The following ITGA8 variants were observed in gnomAD, a reference collection of about 807,000 sequenced individuals.
The protein encoded by ITGA8 is integrin alpha-8.
In ITGA8, 91 loss-of-function variants were observed where a neutral mutation model predicts 142.3. That is an observed-to-expected ratio of 0.64 (90% CI 0.54 to 0.76). The LOEUF (loss-of-function observed/expected upper bound fraction) is 0.76, where lower values mean the gene tolerates loss of function less well. Ranked by LOEUF, ITGA8 falls within the 30% of genes least tolerant of loss-of-function variation. The probability of loss-of-function intolerance (pLI) is 0.00; values close to 1 mark genes in which losing one functional copy is unlikely to be tolerated. For synonymous variants in ITGA8, 505 were observed against 485.2 expected (o/e 1.04, Z -0.54); for missense variants, 1,406 against 1,327.7 (o/e 1.06, Z -0.92).
intron 11 of ITGA8, among the ~76,000 whole-genome samples, chr10:15,648,301 T>C: frequency 6.6e-6 from 1 of 152,216 alleles, no homozygotes; most frequent in East Asian, 1.9e-4. Flanking sequence ...GAACATATAT[T>C]TGCATTTGAC....
At chr10:15,542,723 G>A (rs530198627) in intron 27 of ITGA8, among the ~76,000 whole-genome samples, 1 of 152,272 alleles carries the variant, frequency 6.6e-6, no homozygotes, top group East Asian at 1.9e-4. Context: ...TACTATCTAT[G>A]TGACTCGGGA....
intron 25 of ITGA8, among the ~76,000 whole-genome samples, chr10:15,566,545 T>C (rs1834084410): frequency 6.6e-6 from 1 of 152,116 alleles, no homozygotes; most frequent in Admixed American, 6.5e-5. Flanking sequence ...GCATGGTGGC[T>C]CATGCCTGTA....
Position 15,646,917 on chromosome 10 carries a change from C to A in ITGA8, c.1136G>T (p.Gly379Val). ...LLFRDPQILT[G>V]TETFGRFGSA... ...ACCGAATCTCCCAAACGTCTCGGTGCCAGTGAGGATCTGGGGGTCTCTGAA... is the reference window on the plus strand; with the variant it reads ...ACCGAATCTCCCAAACGTCTCGGTGACAGTGAGGATCTGGGGGTCTCTGAA... The change falls in exon 12 of 30, where the codon GGC becomes GTC. Residue 379 changes from glycine (G) to valine (V), a missense_variant. Coordinates refer to ENST00000378076, the MANE Select transcript of ITGA8 (RefSeq NM_003638.3). 1 of 1,613,996 alleles carries A rather than the reference C, an allele frequency of 6.2e-7. No individual in the cohort carries two copies. Among genetic ancestry groups the A allele is most frequent in the Non-Finnish European group, 8.5e-7 (1 of 1,179,992 alleles).
chr10:15,605,626 G>T, intron 19 of ITGA8, 98 bp downstream of exon 19: 3 of 956,618 alleles, frequency 3.1e-6, no homozygotes, highest in Non-Finnish European at 5.0e-6. Flanking sequence ...CATAGTTTTT[G>T]GTAGTTATTG....
At chr10:15,541,822 A>G (rs1177032860) in intron 27 of ITGA8, among the ~76,000 whole-genome samples, 1 of 151,754 alleles carries the variant, frequency 6.6e-6, no homozygotes, top group Non-Finnish European at 1.5e-5. Context: ...TTTTCATTAC[A>G]TATGGCAGAA....
At chr10:15,582,040 A>G (rs538370269) in intron 23 of ITGA8, among the ~76,000 whole-genome samples, 28 of 152,248 alleles carry the variant, frequency 1.8e-4, no homozygotes, top group South Asian at 1.7e-3. Flanking sequence ...GGAGTTCAAG[A>G]CCAGCTTGGG....
chr10:15,517,695 G>A (rs537686018), intron 29 of ITGA8, among the ~76,000 whole-genome samples: 2 of 152,346 alleles, frequency 1.3e-5, no homozygotes, highest in East Asian at 1.9e-4. Context: ...TAGGAGGTTC[G>A]AGCAGAGTGT....
intron 10 of ITGA8, among the ~76,000 whole-genome samples, chr10:15,655,675 G>T (rs527844835): frequency 6.6e-6 from 1 of 152,078 alleles, no homozygotes; most frequent in African/African-American, 2.4e-5. Context: ...CACAGCTATC[G>T]GAATGTTCAC....
At chr10:15,593,448 T>A (rs957500319) in intron 21 of ITGA8, among the ~76,000 whole-genome samples, 1 of 152,160 alleles carries the variant, frequency 6.6e-6, no homozygotes, top group Admixed American at 6.5e-5. Flanking sequence ...ACCTGAGGAT[T>A]AGAGAGATGA....
At chr10:15,676,838 G>A (rs751458642) in intron 6 of ITGA8, among the ~76,000 whole-genome samples, 16 of 152,098 alleles carry the variant, frequency 1.1e-4, no homozygotes, top group South Asian at 4.2e-4. Flanking sequence ...GTGAAACCCC[G>A]TCTCTACTAA....
intron 2 of ITGA8, among the ~76,000 whole-genome samples, chr10:15,715,818 A>T (rs761094116): frequency 6.6e-6 from 1 of 152,362 alleles, no homozygotes; most frequent in Middle Eastern, 3.4e-3. Context: ...CTTGCACAGC[A>T]TTGCATCAAG....
intron 25 of ITGA8, among the ~76,000 whole-genome samples, chr10:15,561,209 C>CTATATATATATATATATATATATATA (rs529527480): frequency 1.7e-5 from 2 of 116,948 alleles, no homozygotes; most frequent in Admixed American, 9.0e-5. Flanking sequence ...TATCTGTTGG[C>CTATATATATATATATATATATATATA]TATATATATA....
intron 9 of ITGA8, among the ~76,000 whole-genome samples, chr10:15,660,280 T>C (rs530191201): frequency 6.6e-6 from 1 of 152,280 alleles, no homozygotes; most frequent in South Asian, 2.1e-4. Context: ...GCTGTTCATG[T>C]CCTGAAATTT....
intron 13 of ITGA8, among the ~76,000 whole-genome samples, chr10:15,624,133 G>A (rs775710890): frequency 1.2e-4 from 19 of 152,210 alleles, no homozygotes; most frequent in Non-Finnish European, 2.5e-4. Context: ...TGTCAACATC[G>A]GTGTACAGCA....
rs376659505 is a variant in ITGA8 at position 15,605,807 on chromosome 10, G to A, written c.1903-16C>T. On this transcript the variant is annotated splice_polypyrimidine_tract_variant and intron_variant, in intron 18 of 29. Coordinates refer to ENST00000378076, the MANE Select transcript of ITGA8 (RefSeq NM_003638.3). ...GAATGTGAGCCTGTGTTGTATAAAC[G>A]CACGTCAGGAACAATCTAGGAAAAT... The A allele has an allele frequency of 3.1e-5, 50 of 1,610,478 alleles. No homozygotes were observed. The African/African-American group carries it at 5.2e-4, about 17-fold the overall frequency.
chr10:15,635,141 G>A (rs146234684), intron 13 of ITGA8, among the ~76,000 whole-genome samples: 2,496 of 151,246 alleles, frequency 0.017, 67 homozygotes, highest in African/African-American at 0.057. Context: ...TGAGTAGCTG[G>A]GACTACAGGC....
At chr10:15,709,306 C>A (rs751566097) in intron 2 of ITGA8, among the ~76,000 whole-genome samples, 20 of 152,192 alleles carry the variant, frequency 1.3e-4, no homozygotes, top group Non-Finnish European at 2.8e-4. Flanking sequence ...TCTGCTCAAC[C>A]AAGATTGTTG....
At chr10:15,561,491 C>A (rs1239607715) in intron 25 of ITGA8, among the ~76,000 whole-genome samples, 3 of 151,904 alleles carry the variant, frequency 2.0e-5, no homozygotes, top group East Asian at 3.9e-4. Context: ...AGATAGCAAG[C>A]ACAGCTTGGC....
chr10:15,517,046 T>TAAAAAA lies in ITGA8; in HGVS notation c.*111_*112insTTTTTT. 1.5e-6 allele frequency: 1 copy of TAAAAAA among 676,862 alleles called. No homozygotes were observed. Among genetic ancestry groups the TAAAAAA allele is most frequent in the Non-Finnish European group, 2.3e-6 (1 of 426,058 alleles). The allele number at this position is 676,862 out of a possible 1,614,324, so 41.9% of individuals were successfully genotyped here. The stretch of plus-strand genomic sequence containing the variant: ...GTGATGTTTCCAGGGTCCCCTCCAT[T>TAAAAAA]TCCTGGGTCACTGTCAGGTATCAGA... On this transcript the variant is annotated 3_prime_UTR_variant, in exon 30 of 30. Transcript: ENST00000378076.
Sources: allele counts gnomAD v4.1 joint callset (sites outside exome capture counted in the v4.1 genomes callset), GRCh38; gene constraint gnomAD v4.1.1; transcripts MANE v1.5; gene names NCBI Gene and HGNC (gene_info 2026-07-23, HGNC 2026-07-21).